Variants in EXTL3 observed in about 807,000 individuals in gnomAD.
The protein encoded by EXTL3 is exostosin-like 3.
Under a neutral mutation model 69.3 loss-of-function variants are expected in EXTL3, and 27 were observed. The observed-to-expected ratio is 0.39, with a 90% CI of 0.29 to 0.54. The LOEUF (loss-of-function observed/expected upper bound fraction) is 0.54, where lower values mean the gene tolerates loss of function less well. EXTL3 is among the 20% of genes least tolerant of loss of function. EXTL3 has a pLI of 0.69. For missense variants in EXTL3, 1,003 were observed against 1,231.8 expected, an observed-to-expected ratio of 0.81 and a Z score of 2.78; for synonymous variants, 511 against 499.4, an observed-to-expected ratio of 1.02 and a Z score of -0.31.
intron 2 of EXTL3, among the ~76,000 whole-genome samples, chr8:28,614,853 C>T (rs1020422513): frequency 1.3e-5 from 2 of 152,134 alleles, no homozygotes; most frequent in African/African-American, 4.8e-5. Context: ...GCAGGATATG[C>T]ATGTTTGTTA....
At chr8:28,702,667 G>T (rs1313265198) in intron 1 of EXTL3, among the ~76,000 whole-genome samples, 2 of 150,618 alleles carry the variant, frequency 1.3e-5, no homozygotes, top group Non-Finnish European at 2.9e-5. Context: ...GACTCCTTTG[G>T]TGGAGGAGGA....
intron 1 of EXTL3, among the ~76,000 whole-genome samples, chr8:28,683,088 C>T (rs2130663188): frequency 6.6e-6 from 1 of 152,236 alleles, no homozygotes; most frequent in Admixed American, 6.5e-5. Flanking sequence ...GGATTTATTT[C>T]TGGGCTCTCT....
At chr8:28,755,910 G>T (rs1198984293), downstream of EXTL3, among the ~76,000 whole-genome samples, 2 of 152,028 alleles carry the variant, frequency 1.3e-5, no homozygotes, top group African/African-American at 4.8e-5. Flanking sequence ...CATTTTACTG[G>T]ACCCGCCTTG....
intron 3 of EXTL3, among the ~76,000 whole-genome samples, chr8:28,722,608 T>TC (rs2130752360): frequency 6.6e-6 from 1 of 151,908 alleles, no homozygotes; most frequent in South Asian, 2.1e-4. Flanking sequence ...AGACCCCATC[T>TC]CTACAAAAAA....
intron 1 of EXTL3, among the ~76,000 whole-genome samples, chr8:28,691,767 C>T (rs1053814541): frequency 2.9e-4 from 44 of 151,668 alleles, no homozygotes; most frequent in African/African-American, 9.4e-4. Flanking sequence ...CGTGGTGGCG[C>T]GAGCCTGTAA....
intron 1 of EXTL3, chr8:28,710,240 G>C (rs1480565030): frequency 6.1e-6 from 2 of 326,936 alleles, no homozygotes; most frequent in Non-Finnish European, 1.2e-5. Flanking sequence ...TATCAGGAGG[G>C]AGGTGAAGAT....
chr8:28,715,128 CAG>C (rs1801113348), intron 2 of EXTL3, among the ~76,000 whole-genome samples: 4 of 152,300 alleles, frequency 2.6e-5, no homozygotes, highest in Middle Eastern at 6.8e-3. Flanking sequence ...TTGAGCTTTT[CAG>C]AGTCTTTTTT....
At chr8:28,687,173 T>C (rs1396329048) in intron 1 of EXTL3, among the ~76,000 whole-genome samples, 7 of 151,900 alleles carry the variant, frequency 4.6e-5, no homozygotes, top group African/African-American at 1.7e-4. Context: ...CTTGAGAAAA[T>C]GATTAGTAGG....
rs113930069 is a variant in EXTL3, at chr8:28,659,242, A to AT, written c.-53+36445dup. On this transcript the variant is annotated intron_variant, in intron 1 of 6. Coordinates refer to the EXTL3 transcript ENST00000523149. The stretch of plus-strand genomic sequence containing the variant: ...TATATGTTGCTTTGAACTGTTCTTC[A>AT]TTTTTTTTTTTTTCCATTTGGATGC... 3.0e-3 allele frequency among the ~76,000 whole-genome samples: 430 copies of AT among 142,588 alleles called. 1 individual carries two copies. The highest frequency in any genetic ancestry group is 3.9e-3 in the African/African-American group (152 of 39,382). The allele number at this position is 142,588 out of a possible 152,430, so 93.5% of individuals were successfully genotyped here.
intron 5 of EXTL3, among the ~76,000 whole-genome samples, chr8:28,738,370 G>T (rs76960265): frequency 0.034 from 5,138 of 152,238 alleles, 276 homozygotes; most frequent in African/African-American, 0.12. Flanking sequence ...TGTAACAAAG[G>T]GTGTCAGATA....
At chr8:28,735,941 C>A (rs1264569349) in intron 4 of EXTL3, among the ~76,000 whole-genome samples, 1 of 152,044 alleles carries the variant, frequency 6.6e-6, no homozygotes, top group African/African-American at 2.4e-5. Flanking sequence ...ATGTGAGGCC[C>A]CTAGGTAGTC....
chr8:28,652,258 C>T (rs565441638), intron 1 of EXTL3, among the ~76,000 whole-genome samples: 1 of 152,242 alleles, frequency 6.6e-6, no homozygotes, highest in South Asian at 2.1e-4. Context: ...TCTTGAGGAA[C>T]TGCCAAGCTG....
intron 1 of EXTL3, among the ~76,000 whole-genome samples, chr8:28,693,505 A>T (rs897962201): frequency 4.2e-5 from 6 of 143,534 alleles, no homozygotes; most frequent in Admixed American, 7.0e-5. Flanking sequence ...TTGAATGTTT[A>T]TTTTTTTTTT....
At chr8:28,671,726 AG>A (rs1807297909) in intron 1 of EXTL3, among the ~76,000 whole-genome samples, 1 of 152,212 alleles carries the variant, frequency 6.6e-6, no homozygotes, top group Admixed American at 6.5e-5. Context: ...TCACTAAACT[AG>A]GATAAAGGTA....
At chr8:28,647,980 G>T (rs564613385) in intron 1 of EXTL3, among the ~76,000 whole-genome samples, 31 of 151,412 alleles carry the variant, frequency 2.0e-4, no homozygotes, top group Non-Finnish European at 4.4e-4. Flanking sequence ...GGTGGGAGAC[G>T]ATCAGTGGAG....
Position 28,719,631 on chromosome 8 carries a change from G to T in EXTL3, c.2148+1424G>T, listed in dbSNP as rs191982989. Among the ~76,000 whole-genome samples the T allele has an allele frequency of 3.3e-5, 5 of 152,082 alleles. No homozygotes were observed. The East Asian group carries it at 9.6e-4, about 29-fold the overall frequency. ...AATCCTTTTTATCCCAGTGTATTTT[G>T]TATATTAAGTTTTGTAAATAGGGAA... On this transcript the variant is annotated intron_variant, in intron 3 of 6. Coordinates refer to ENST00000220562, the MANE Select transcript of EXTL3 (RefSeq NM_001440.4).
At chr8:28,639,606 GT>G (rs147758183) in intron 1 of EXTL3, among the ~76,000 whole-genome samples, 4,393 of 152,220 alleles carry the variant, frequency 0.029, 151 homozygotes, top group African/African-American at 0.083. Context: ...GGTCCCTGCG[GT>G]TTGGCCTCTG....
chr8:28,740,295 T>C (rs1344080200), intron 5 of EXTL3: 1 of 152,248 alleles, frequency 6.6e-6, no homozygotes, highest in Non-Finnish European at 1.5e-5. Flanking sequence ...TCTTTTTTTA[T>C]TTTTATGAGA....
In EXTL3 at chr8:28,623,261, CCCGTGGGTAAGCCCGTG is replaced by C. The variant is rs1174317918; in HGVS notation, c.-53+460_-53+476del. ...TCGCGCGCTGTCAGGAGGCGCTGTC[CCCGTGGGTAAGCCCGTG>C]CCGTGGGTGCCCTCCAGTCCCTGCA... On this transcript the variant is annotated intron_variant, in intron 1 of 6. Coordinates refer to the EXTL3 transcript ENST00000523149. This position sits in a 1 kb window ranked among gnomAD's most constrained non-coding sequence, Gnocchi z 4.2. Among the ~76,000 whole-genome samples the C allele has an allele frequency of 6.6e-6, 1 of 152,164 alleles. No homozygotes were observed. Among genetic ancestry groups the C allele is most frequent in the Non-Finnish European group, 1.5e-5 (1 of 68,024 alleles).
Sources: allele counts gnomAD v4.1 joint callset (sites outside exome capture counted in the v4.1 genomes callset), GRCh38; gene constraint gnomAD v4.1.1; non-coding constraint Gnocchi (gnomAD v3.1); transcripts MANE v1.5; gene names NCBI Gene and HGNC (gene_info 2026-07-23, HGNC 2026-07-21).